XIRP2: variants seen among roughly 807,000 people sequenced by gnomAD.
XIRP2 encodes the protein xin actin-binding repeat-containing protein 2.
In XIRP2, 236 loss-of-function variants were observed where a neutral mutation model predicts 277.0. The ratio of observed to expected loss-of-function variants is 0.85; its 90% CI spans 0.77 to 0.95. XIRP2 has a LOEUF of 0.95. Among genes scored for constraint, XIRP2 ranks in the 40% least tolerant of loss-of-function variants. The pLI, the probability that XIRP2 is intolerant of heterozygous loss-of-function variation, is 0.00. For missense variants in XIRP2, 4,640 were observed against 4,157.5 expected (o/e 1.12, Z -3.19); for synonymous variants, 1,490 against 1,416.5 (o/e 1.05, Z -1.17).
intron 2 of XIRP2, among the ~76,000 whole-genome samples, chr2:167,049,647 C>A (rs1025663137): frequency 6.6e-6 from 1 of 151,996 alleles, no homozygotes; most frequent in African/African-American, 2.4e-5. Context: ...CAGAAACTAC[C>A]TTTTCACATC....
At chr2:167,178,198 T>A (rs1187471452) in intron 3 of XIRP2, among the ~76,000 whole-genome samples, 2 of 152,112 alleles carry the variant, frequency 1.3e-5, no homozygotes, top group African/African-American at 2.4e-5. Context: ...TCAGGATACA[T>A]GAAAAACTTA....
At position 167,246,788 on chromosome 2, in the gene XIRP2, T is replaced by C; in HGVS notation, c.5396T>C (p.Val1799Ala). 1.2e-6 allele frequency: 2 copies of C among 1,613,836 alleles called. No individual in the cohort carries two copies. The highest frequency in any genetic ancestry group is 1.7e-6 in the Non-Finnish European group (2 of 1,179,824). Reference sequence around the variant, plus strand: ...TTACTGAAGAAAAGGCAGTCTCTGGTTGAACGTACTGTTAGTGAAACTGAC... The same window carrying C: ...TTACTGAAGAAAAGGCAGTCTCTGGCTGAACGTACTGTTAGTGAAACTGAC... Reference protein sequence around the residue: ...KLLLKKRQSLVERTVSETDII... With the variant: ...KLLLKKRQSLAERTVSETDII... The change falls in exon 9 of 11, where the codon GTT (valine) becomes GCT (alanine). Residue 1799 changes from valine to alanine, a missense_variant. Physicochemically the swap from Val to Ala is moderately conservative, Grantham distance 64 (BLOSUM62 0). Transcript: ENST00000409195.
chr2:167,169,802 G>C (rs976304594), intron 3 of XIRP2, among the ~76,000 whole-genome samples: 7 of 152,134 alleles, frequency 4.6e-5, no homozygotes, highest in African/African-American at 1.7e-4. Flanking sequence ...AGCTATGTTT[G>C]TGGTTTTATT....
chr2:167,247,025 C>T lies in XIRP2; in HGVS notation c.5633C>T (p.Ser1878Leu). Reference sequence around the variant, plus strand: ...GCCACACTCAAGTCACTTAAAGAATCAAGCCATCGATGGAAAGAATCTAAA... The same window carrying T: ...GCCACACTCAAGTCACTTAAAGAATTAAGCCATCGATGGAAAGAATCTAAA... ...MLATLKSLKE[S>L]SHRWKESKQP... Residue 1878 changes from serine (S) to leucine (L), a missense_variant, in exon 9 of 11, where the codon TCA (serine) becomes TTA (leucine). Ser to Leu is a moderately radical substitution (Grantham distance 145). Coordinates refer to ENST00000409195, the MANE Select transcript of XIRP2 (RefSeq NM_152381.6). 4.3e-6 allele frequency: 7 copies of T among 1,613,490 alleles called. No individual in the cohort carries two copies. Among genetic ancestry groups the T allele is most frequent in the Non-Finnish European group, 5.9e-6 (7 of 1,179,740 alleles).
At chr2:167,146,206 T>G (rs1691860437) in intron 3 of XIRP2, among the ~76,000 whole-genome samples, 1 of 152,038 alleles carries the variant, frequency 6.6e-6, no homozygotes, top group Non-Finnish European at 1.5e-5. Flanking sequence ...TTCAAAGAAT[T>G]TAATTATACA....
chr2:167,085,490 G>A (rs1345662623), intron 2 of XIRP2, among the ~76,000 whole-genome samples: 1 of 151,560 alleles, frequency 6.6e-6, no homozygotes, highest in Non-Finnish European at 1.5e-5. Flanking sequence ...TCAGTTCCTG[G>A]GTATCCTTGT....
intron 2 of XIRP2, among the ~76,000 whole-genome samples, chr2:167,047,468 G>A (rs1688812757): frequency 6.6e-6 from 1 of 151,486 alleles, no homozygotes; most frequent in Admixed American, 6.6e-5. Context: ...TTCAGCTCTG[G>A]AATGGCACAA....
chr2:167,074,787 C>A (rs1036196707), intron 2 of XIRP2, among the ~76,000 whole-genome samples: 2 of 151,980 alleles, frequency 1.3e-5, no homozygotes, highest in Non-Finnish European at 1.5e-5. Flanking sequence ...CTACAGGCAC[C>A]AGCCACCACA....
In XIRP2 at chr2:166,915,141, C is replaced by T. The variant is rs1444017818; in HGVS notation, c.408+11251C>T. Among the ~76,000 whole-genome samples, 28 of 145,250 alleles carry T rather than the reference C, an allele frequency of 1.9e-4. 1 individual carries two copies. Among genetic ancestry groups the T allele is most frequent in the Admixed American group, 1.9e-3 (28 of 14,564 alleles). On this transcript the variant is annotated intron_variant, in intron 2 of 10. Coordinates refer to ENST00000409195, the MANE Select transcript of XIRP2 (RefSeq NM_152381.6). ...TGCAACCACGTCTAGACTAAAAATA[C>T]AAAAAAAAAATTAGCCAGGTGTGGT... is the stretch of plus-strand genomic sequence containing the variant.
chr2:166,916,278 G>T (rs1243686786), intron 2 of XIRP2, among the ~76,000 whole-genome samples: 1 of 152,114 alleles, frequency 6.6e-6, no homozygotes, highest in Non-Finnish European at 1.5e-5. Context: ...ACCCAGACAT[G>T]TGGGACTAGG....
intron 2 of XIRP2, among the ~76,000 whole-genome samples, chr2:166,960,270 C>T (rs892254682): frequency 1.3e-5 from 2 of 151,610 alleles, no homozygotes; most frequent in East Asian, 3.9e-4. Flanking sequence ...AAGAAAATGC[C>T]ATTAACAATA....
Position 167,257,891 on chromosome 2 carries a change from T to A in XIRP2, c.*74T>A. On this transcript the variant is annotated 3_prime_UTR_variant, in exon 11 of 11. Transcript: ENST00000409195. ...TTATGCATCACTTCATGGACAAATATACTGTAAACCTCACTTTAAACAACT... is the reference window on the plus strand; with the variant it reads ...TTATGCATCACTTCATGGACAAATAAACTGTAAACCTCACTTTAAACAACT... The A allele has an allele frequency of 1.2e-6, 2 of 1,607,250 alleles. No individual in the cohort carries two copies. The highest frequency in any genetic ancestry group is 1.7e-6 in the Non-Finnish European group (2 of 1,177,904).
chr2:167,220,318 T>G (rs905509597), intron 5 of XIRP2, among the ~76,000 whole-genome samples: 5 of 152,218 alleles, frequency 3.3e-5, no homozygotes, highest in African/African-American at 1.2e-4. Flanking sequence ...GCTCCTTTAT[T>G]TATTAACTGT....
At chr2:167,081,705 A>C (rs1209626916) in intron 2 of XIRP2, among the ~76,000 whole-genome samples, 1 of 152,182 alleles carries the variant, frequency 6.6e-6, no homozygotes, top group Non-Finnish European at 1.5e-5. Context: ...AGATCCTTTA[A>C]CTTACAGTTA....
At chr2:166,940,034 CAG>C (rs1685658445) in intron 2 of XIRP2, among the ~76,000 whole-genome samples, 1 of 152,234 alleles carries the variant, frequency 6.6e-6, no homozygotes, top group South Asian at 2.1e-4. Context: ...TAATATCCTG[CAG>C]AGTGTTTTCC....
At chr2:167,230,832 C>G (rs1195884082) in intron 5 of XIRP2, among the ~76,000 whole-genome samples, 2 of 151,982 alleles carry the variant, frequency 1.3e-5, no homozygotes, top group Non-Finnish European at 2.9e-5. Flanking sequence ...CTTCAGTGCT[C>G]CCTCAGCCTC....
At chr2:167,185,017 T>A (rs1157728669) in intron 3 of XIRP2, among the ~76,000 whole-genome samples, 2 of 152,202 alleles carry the variant, frequency 1.3e-5, no homozygotes, top group African/African-American at 4.8e-5. Flanking sequence ...TCTGTCTTGC[T>A]TTCATAGTGG....
chr2:167,120,912 C>G (rs1374403364), intron 2 of XIRP2, among the ~76,000 whole-genome samples: 2 of 152,174 alleles, frequency 1.3e-5, no homozygotes, highest in African/African-American at 4.8e-5. Flanking sequence ...CTTATGATTT[C>G]ATTGATTATT....
intron 3 of XIRP2, among the ~76,000 whole-genome samples, chr2:167,178,758 C>G (rs1237977701): frequency 6.6e-6 from 1 of 151,560 alleles, no homozygotes; most frequent in Non-Finnish European, 1.5e-5. Flanking sequence ...GCTTTTTTTC[C>G]TCACACTACT....
Sources: allele counts gnomAD v4.1 joint callset (sites outside exome capture counted in the v4.1 genomes callset), GRCh38; gene constraint gnomAD v4.1.1; transcripts MANE v1.5; gene names NCBI Gene and HGNC (gene_info 2026-07-23, HGNC 2026-07-21).